Variants in RSRC1 observed in about 807,000 individuals in gnomAD.
RSRC1 encodes arginine and serine rich coiled-coil 1.
Under a neutral mutation model 49.1 loss-of-function variants are expected in RSRC1, and 39 were observed. The ratio of observed to expected loss-of-function variants is 0.79; its 90% confidence interval spans 0.61 to 1.04. RSRC1 has a LOEUF of 1.04. Ranked by LOEUF, RSRC1 falls within the 50% of genes least tolerant of loss-of-function variation. The pLI, the probability that RSRC1 is intolerant of heterozygous loss-of-function variation, is 0.00. For synonymous variants in RSRC1, 143 were observed against 130.8 expected (o/e 1.09, Z -0.63); for missense variants, 388 against 402.4 (o/e 0.96, Z 0.31).
intron 7 of RSRC1, among the ~76,000 whole-genome samples, chr3:158,505,869 A>T (rs1739837619): frequency 6.6e-6 from 1 of 152,172 alleles, no homozygotes; most frequent in Non-Finnish European, 1.5e-5. Flanking sequence ...TTGAAAACTG[A>T]ATGAAATTTA....
At chr3:158,524,677 A>G (rs1471024916) in intron 7 of RSRC1, among the ~76,000 whole-genome samples, 1 of 151,964 alleles carries the variant, frequency 6.6e-6, no homozygotes. Flanking sequence ...TACATTTTCC[A>G]TGAACTTTTT....
chr3:158,295,297 A>G (rs945723386), intron 4 of RSRC1, among the ~76,000 whole-genome samples: 20 of 152,226 alleles, frequency 1.3e-4, no homozygotes, highest in Non-Finnish European at 2.5e-4. Flanking sequence ...GAGTGAAACC[A>G]GGTTAGTAGT....
At chr3:158,357,638 ATAT>A (rs1477901530) in intron 6 of RSRC1, among the ~76,000 whole-genome samples, 1 of 151,020 alleles carries the variant, frequency 6.6e-6, no homozygotes, top group Non-Finnish European at 1.5e-5. Context: ...GGTGTTCATT[ATAT>A]TATTAAAAAT....
intron 5 of RSRC1, among the ~76,000 whole-genome samples, chr3:158,331,113 C>T (rs1222936389): frequency 1.3e-5 from 2 of 152,148 alleles, no homozygotes; most frequent in Non-Finnish European, 2.9e-5. Context: ...CCCACTGGGT[C>T]CCTCCCACAA....
chr3:158,511,572 G>A (rs62287885), intron 7 of RSRC1, among the ~76,000 whole-genome samples: 12,430 of 151,988 alleles, frequency 0.082, 549 homozygotes, highest in East Asian at 0.12. Flanking sequence ...GAATAGTGCC[G>A]CAATAAACAT....
At chr3:158,198,646 T>A (rs1578189152) in intron 3 of RSRC1, among the ~76,000 whole-genome samples, 1 of 152,152 alleles carries the variant, frequency 6.6e-6, no homozygotes, top group Admixed American at 6.5e-5. Context: ...CCTTTCCATG[T>A]TTAGTGCTTC....
At chr3:158,292,468 T>G (rs890247295) in intron 4 of RSRC1, among the ~76,000 whole-genome samples, 6 of 152,184 alleles carry the variant, frequency 3.9e-5, no homozygotes, top group African/African-American at 1.4e-4. Flanking sequence ...ATACAAATCT[T>G]TATTCATTTG....
intron 7 of RSRC1, among the ~76,000 whole-genome samples, chr3:158,471,213 A>G (rs1738120054): frequency 6.6e-6 from 1 of 152,196 alleles, no homozygotes; most frequent in Non-Finnish European, 1.5e-5. Context: ...AGTGAAGACA[A>G]GTCTGCAGTA....
At chr3:158,241,897 TA>T (rs11296862) in intron 4 of RSRC1, among the ~76,000 whole-genome samples, 2,596 of 152,246 alleles carry the variant, frequency 0.017, 93 homozygotes, top group African/African-American at 0.059. Context: ...TTATATGTAA[TA>T]AAATACACCC....
chr3:158,128,921 A>G (rs1715807936), intron 3 of RSRC1, among the ~76,000 whole-genome samples: 1 of 152,186 alleles, frequency 6.6e-6, no homozygotes, highest in Non-Finnish European at 1.5e-5. Flanking sequence ...CATTTTTGGC[A>G]AGAATACGAG....
chr3:158,511,108 G>GTT (rs55725154), intron 7 of RSRC1, among the ~76,000 whole-genome samples: 28 of 149,400 alleles, frequency 1.9e-4, no homozygotes, highest in South Asian at 1.0e-3. Context: ...TCATTTGTTG[G>GTT]TTTTTTTTTT....
At chr3:158,528,213 A>C (rs150733808) in intron 7 of RSRC1, among the ~76,000 whole-genome samples, 5 of 152,098 alleles carry the variant, frequency 3.3e-5, no homozygotes, top group Admixed American at 6.6e-5. Flanking sequence ...CAGCAACAAA[A>C]GAGCAGTAAT....
chr3:158,166,627 G>T (rs1610269), intron 3 of RSRC1, among the ~76,000 whole-genome samples: 95,895 of 151,986 alleles, frequency 0.63, 30,866 homozygotes, highest in East Asian at 0.73. Flanking sequence ...CCCTTAACAA[G>T]TTCATTATTC....
chr3:158,392,485 A>T (rs1298986611), intron 6 of RSRC1, among the ~76,000 whole-genome samples: 1 of 152,108 alleles, frequency 6.6e-6, no homozygotes, highest in African/African-American at 2.4e-5. Flanking sequence ...GCTATGATAC[A>T]GTTGAAATAT....
chr3:158,408,488 C>T (rs571968819), intron 6 of RSRC1, among the ~76,000 whole-genome samples: 47 of 152,142 alleles, frequency 3.1e-4, no homozygotes, highest in East Asian at 1.9e-4. Context: ...TAAAACCTCA[C>T]GTTATAGCTA....
chr3:158,157,632 T>C (rs1379663539), intron 3 of RSRC1, among the ~76,000 whole-genome samples: 1 of 152,086 alleles, frequency 6.6e-6, no homozygotes, highest in Non-Finnish European at 1.5e-5. Flanking sequence ...TTCCCACTAC[T>C]TGAGGAACAA....
At chr3:158,224,769 C>T (rs1447483189) in intron 4 of RSRC1, among the ~76,000 whole-genome samples, 1 of 151,732 alleles carries the variant, frequency 6.6e-6, no homozygotes, top group Non-Finnish European at 1.5e-5. Context: ...TATTAACCTT[C>T]AACTAGTATT....
Position 158,324,412 on chromosome 3 carries a change from G to C in RSRC1, c.531+26337G>C, listed in dbSNP as rs370843472. On this transcript the variant is annotated intron_variant, in intron 5 of 9. Coordinates refer to ENST00000611884, the MANE Select transcript of RSRC1 (RefSeq NM_001271838.2). ...CTCACCCCACGACAGGCCCCGGTGT[G>C]TGATGTTCCCCTTCCTGTGTCCAAG... Among the ~76,000 whole-genome samples, 11 of 152,184 alleles carry C rather than the reference G, an allele frequency of 7.2e-5. No individual in the cohort carries two copies. In the East Asian group the frequency reaches 2.1e-3, roughly 29 times the overall value.
intron 6 of RSRC1, among the ~76,000 whole-genome samples, chr3:158,404,357 A>C (rs989756221): frequency 1.3e-5 from 2 of 151,912 alleles, no homozygotes; most frequent in Non-Finnish European, 2.9e-5. Flanking sequence ...TGCTGTTGGC[A>C]CCAATAGGTA....
Sources: allele counts gnomAD v4.1 joint callset (sites outside exome capture counted in the v4.1 genomes callset), GRCh38; gene constraint gnomAD v4.1.1; transcripts MANE v1.5; gene names NCBI Gene and HGNC (gene_info 2026-07-23, HGNC 2026-07-21).